Variants in RBFOX3 observed in about 807,000 individuals in gnomAD.
RBFOX3 encodes the protein RNA binding fox-1 homolog 3, also known as RNA binding protein fox-1 homolog 3.
Under a neutral mutation model 48.7 loss-of-function variants are expected in RBFOX3, and 17 were observed. The observed-to-expected ratio is 0.35, with a 90% CI of 0.24 to 0.52. RBFOX3 has a LOEUF of 0.52. Ranked by LOEUF, RBFOX3 falls within the 20% of genes least tolerant of loss-of-function variation. RBFOX3 has a pLI of 0.94. For missense variants in RBFOX3, 382 were observed against 497.5 expected, an observed-to-expected ratio of 0.77 and a Z score of 2.21; for synonymous variants, 212 against 209.5, an observed-to-expected ratio of 1.01 and a Z score of -0.10.
At chr17:79,130,689 C>CCCCGGTGGGGACAAG (rs2038615955) in intron 4 of RBFOX3, among the ~76,000 whole-genome samples, 1 of 152,252 alleles carries the variant, frequency 6.6e-6, no homozygotes, top group Non-Finnish European at 1.5e-5. Flanking sequence ...GCTCTCCAGG[C>CCCCGGTGGGGACAAG]CCCGGTGGGG....
At chr17:79,428,896 A>C (rs1432501630) in intron 2 of RBFOX3, among the ~76,000 whole-genome samples, 2 of 152,210 alleles carry the variant, frequency 1.3e-5, no homozygotes, top group Non-Finnish European at 2.9e-5. Flanking sequence ...TAGTATTTGC[A>C]CAGTATATTG....
In RBFOX3 at chr17:79,419,867, C is replaced by G. The variant is rs141335784; in HGVS notation, c.-175+62587G>C. On this transcript the variant is annotated intron_variant, in intron 2 of 14. Coordinates refer to ENST00000693108, the MANE Select transcript of RBFOX3 (RefSeq NM_001350451.2). ...AGGGGCCGGGCGCGGTGGCTCATGC[C>G]TGTAATCCCAGCACTTTGGGAGGCC... Among the ~76,000 whole-genome samples the G allele has an allele frequency of 1.7e-3, 263 of 152,268 alleles. 1 individual carries two copies. The highest frequency in any genetic ancestry group is 5.4e-3 in the African/African-American group (225 of 41,538).
intron 4 of RBFOX3, among the ~76,000 whole-genome samples, chr17:79,125,802 A>G (rs142804500): frequency 6.6e-6 from 1 of 152,184 alleles, no homozygotes; most frequent in African/African-American, 2.4e-5. Flanking sequence ...GCACCGGGCC[A>G]TTTCTCCAGC....
At chr17:79,655,416 A>G in the RBFOX3 span, among the ~76,000 whole-genome samples, 12 of 152,214 alleles carry the variant, frequency 7.9e-5, no homozygotes, top group Non-Finnish European at 1.6e-4. Flanking sequence ...AAATTGCAGT[A>G]ACTGTCAAAT....
At chr17:79,640,956 T>C in the RBFOX3 span, among the ~76,000 whole-genome samples, 2 of 152,172 alleles carry the variant, frequency 1.3e-5, no homozygotes, top group Admixed American at 6.5e-5. Flanking sequence ...ATAAGTGAGA[T>C]TGCATCAAAC....
intron 2 of RBFOX3, among the ~76,000 whole-genome samples, chr17:79,396,326 G>C (rs2061992395): frequency 6.6e-6 from 1 of 152,180 alleles, no homozygotes; most frequent in South Asian, 2.1e-4. Context: ...GTGCGTCTGA[G>C]ATGCTGCAAA....
At chr17:79,300,575 C>T (rs956538125) in intron 3 of RBFOX3, among the ~76,000 whole-genome samples, 3 of 152,204 alleles carry the variant, frequency 2.0e-5, no homozygotes, top group African/African-American at 4.8e-5. Flanking sequence ...AAAGATCTAC[C>T]AGTCAGTCAG....
At chr17:79,127,214 C>T (rs2037531819) in intron 4 of RBFOX3, among the ~76,000 whole-genome samples, 1 of 152,234 alleles carries the variant, frequency 6.6e-6, no homozygotes, top group Non-Finnish European at 1.5e-5. Context: ...TCCTGAGGGG[C>T]TGGGAGCAGC....
intron 3 of RBFOX3, among the ~76,000 whole-genome samples, chr17:79,293,999 C>T (rs1181737142): frequency 6.6e-6 from 1 of 152,204 alleles, no homozygotes; most frequent in Admixed American, 6.5e-5. Context: ...GAAGCAATGA[C>T]ATAGTCTCAC....
intron 2 of RBFOX3, among the ~76,000 whole-genome samples, chr17:79,375,492 C>T (rs1012877797): frequency 5.3e-5 from 8 of 152,170 alleles, no homozygotes; most frequent in African/African-American, 1.9e-4. Context: ...CCAGGGGAGG[C>T]CCCAGAAGCA....
chr17:79,219,939 CT>C (rs1024726304), intron 4 of RBFOX3, among the ~76,000 whole-genome samples: 19 of 151,700 alleles, frequency 1.3e-4, no homozygotes, highest in African/African-American at 3.9e-4. Context: ...TCCCAGCCCC[CT>C]GTCCCAGCCC....
intron 2 of RBFOX3, among the ~76,000 whole-genome samples, chr17:79,351,832 TGA>T (rs1035412206): frequency 2.0e-5 from 3 of 152,220 alleles, no homozygotes; most frequent in Non-Finnish European, 2.9e-5. Context: ...GTTTTAATTT[TGA>T]GGAAGTACAA....
chr17:79,324,106 C>T (rs2078960882), intron 2 of RBFOX3, among the ~76,000 whole-genome samples: 1 of 152,176 alleles, frequency 6.6e-6, no homozygotes, highest in African/African-American at 2.4e-5. Flanking sequence ...CTTAGCTCTG[C>T]ATCCTTCAGT....
intron 2 of RBFOX3, among the ~76,000 whole-genome samples, chr17:79,396,889 C>G (rs72852441): frequency 6.6e-6 from 1 of 152,310 alleles, no homozygotes; most frequent in East Asian, 1.9e-4. Flanking sequence ...GTCACGGGTC[C>G]GTGAAGCCGG....
At chr17:79,095,240 G>A (rs555206395) in intron 13 of RBFOX3, among the ~76,000 whole-genome samples, 117 of 151,870 alleles carry the variant, frequency 7.7e-4, no homozygotes, top group African/African-American at 2.6e-3. Flanking sequence ...TGGGCACGGG[G>A]CTTGCGGGGG....
chr17:79,595,709 T>C (rs1323589598), intron 1 of RBFOX3, among the ~76,000 whole-genome samples: 1 of 152,160 alleles, frequency 6.6e-6, no homozygotes, highest in East Asian at 1.9e-4. Context: ...CACGAGGGGC[T>C]CCTATGCATT....
intron 10 of RBFOX3, 25 bp downstream of exon 10, chr17:79,097,667 A>AAACCCCCCCCCCCCCAGCCAT: frequency 9.7e-7 from 1 of 1,031,806 alleles, no homozygotes. Flanking sequence ...GTCTCATCCC[A>AAACCCCCCCCCCCCCAGCCAT]TCCCCGCCCC....
chr17:79,623,897 G>A, the RBFOX3 span, among the ~76,000 whole-genome samples: 9 of 151,556 alleles, frequency 5.9e-5, no homozygotes, highest in Non-Finnish European at 8.8e-5. Context: ...GAGGTGGGTC[G>A]GAGAGAGCTG....
In RBFOX3 at chr17:79,473,915, G is replaced by T. The variant is rs113062402; in HGVS notation, c.-175+8539C>A. ...TTCTAAATTAATTTTCCTTCCTCAG[G>T]CATTTGCTGACGCTCCTTTTCTGTT... On this transcript the variant is annotated intron_variant, in intron 2 of 14. Transcript: ENST00000693108. The surrounding 1 kb of genome is among the most constrained non-coding windows in gnomAD (Gnocchi z 4.2). Among the ~76,000 whole-genome samples the T allele has an allele frequency of 2.6e-5, 4 of 152,018 alleles. No individual in the cohort carries two copies. The highest frequency in any genetic ancestry group is 5.9e-5 in the Non-Finnish European group (4 of 68,020).
Sources: gnomAD v4.1 joint callset for allele counts (sites outside exome capture counted in the v4.1 genomes callset) on GRCh38, gnomAD v4.1.1 for gene constraint, Gnocchi (gnomAD v3.1) non-coding constraint, MANE v1.5 for transcripts, NCBI Gene and HGNC (gene_info 2026-07-23, HGNC 2026-07-21) for gene names.